The following CLASP1 variants were observed in gnomAD, a reference collection of about 807,000 sequenced individuals.
The protein encoded by CLASP1 is cytoplasmic linker associated protein 1.
A neutral mutation model predicts 192.3 loss-of-function variants in CLASP1; 38 were observed. That is an observed-to-expected ratio of 0.20 (90% confidence interval 0.15 to 0.26). The LOEUF (loss-of-function observed/expected upper bound fraction) is 0.26, where lower values mean the gene tolerates loss of function less well. Among genes scored for constraint, CLASP1 ranks in the 10% least tolerant of loss-of-function variants. The pLI is 1.00. For synonymous variants in CLASP1, 691 were observed against 712.8 expected (o/e 0.97, Z 0.49); for missense variants, 1,433 against 1,932.5 (o/e 0.74, Z 4.85).
rs574849404 is a variant in CLASP1 at position 121,636,027 on chromosome 2, C to A, written c.-286+13345G>T. On this transcript the variant is annotated intron_variant, in intron 1 of 39. Coordinates refer to ENST00000263710, the Ensembl canonical transcript of CLASP1. ...GATCAGCCTGAGCATTATTATGAGA[C>A]CTTGTTTCTAAAAAAATAATAAATT... 3.9e-5 allele frequency among the ~76,000 whole-genome samples: 6 copies of A among 152,158 alleles called. No individual in the cohort carries two copies. In the South Asian group the frequency reaches 1.2e-3, roughly 32 times the overall value.
intron 2 of CLASP1, among the ~76,000 whole-genome samples, chr2:121,546,988 A>AG (rs1162869125): frequency 6.6e-6 from 1 of 152,106 alleles, no homozygotes. Flanking sequence ...TCCCAGAGGG[A>AG]GGGGCAGGCC....
chr2:121,466,398 C>T (rs1273587138), intron 9 of CLASP1, among the ~76,000 whole-genome samples: 1 of 152,164 alleles, frequency 6.6e-6, no homozygotes, highest in Non-Finnish European at 1.5e-5. Flanking sequence ...TACCAATATT[C>T]TAGGGCCGGT....
chr2:121,476,998 C>A (rs902730435), intron 8 of CLASP1, among the ~76,000 whole-genome samples: 2 of 152,236 alleles, frequency 1.3e-5, no homozygotes, highest in Non-Finnish European at 2.9e-5. Context: ...GTCTGCCAGA[C>A]ACACCCCTAT....
chr2:121,630,356 T>A (rs908961817), intron 1 of CLASP1, among the ~76,000 whole-genome samples: 6 of 149,498 alleles, frequency 4.0e-5, no homozygotes, highest in Non-Finnish European at 8.9e-5. Flanking sequence ...TACAGAAAGT[T>A]TGGTAGATCA....
intron 1 of CLASP1, among the ~76,000 whole-genome samples, chr2:121,607,943 T>C (rs2064668201): frequency 6.6e-6 from 1 of 152,126 alleles, no homozygotes; most frequent in Admixed American, 6.6e-5. Flanking sequence ...AGCACATAAC[T>C]ACCCATCTTC....
intron 23 of CLASP1, among the ~76,000 whole-genome samples, chr2:121,411,559 T>A (rs534625676): frequency 1.3e-5 from 2 of 152,086 alleles, no homozygotes; most frequent in East Asian, 1.9e-4. Flanking sequence ...ACTAAAAAAA[T>A]CTAGCACTTT....
At chr2:121,525,147 A>G (rs2094545995) in intron 6 of CLASP1, among the ~76,000 whole-genome samples, 2 of 152,104 alleles carry the variant, frequency 1.3e-5, no homozygotes. Context: ...CATTCTTATC[A>G]GTTTGTATGA....
intron 33 of CLASP1, among the ~76,000 whole-genome samples, chr2:121,378,587 A>G (rs2070837719): frequency 6.6e-6 from 1 of 152,192 alleles, no homozygotes; most frequent in African/African-American, 2.4e-5. Context: ...TGGGATGGAT[A>G]TATCAGCATA....
chr2:121,496,539 C>T (rs2093540403), intron 8 of CLASP1, among the ~76,000 whole-genome samples: 1 of 152,026 alleles, frequency 6.6e-6, no homozygotes, highest in Non-Finnish European at 1.5e-5. Context: ...ACTAAGTGTT[C>T]GTACATGCAC....
chr2:121,367,447 T>C, intron 35 of CLASP1, 141 bp downstream of exon 36: 2 of 1,102,228 alleles, frequency 1.8e-6, no homozygotes, highest in Middle Eastern at 3.1e-4. Context: ...AGTTAAGTAG[T>C]GCCTGAACAA....
At chr2:121,364,905 T>C in intron 36 of CLASP1, 189 bp downstream of exon 37, 1 of 627,060 alleles carries the variant, frequency 1.6e-6, no homozygotes, top group South Asian at 1.9e-5. Flanking sequence ...AAGCAGCAGC[T>C]TGTTGCTGAT....
Position 121,644,789 on chromosome 2 carries a change from C to T in CLASP1, c.-286+4583G>A, listed in dbSNP as rs61664061. On this transcript the variant is annotated intron_variant, in intron 1 of 39. Transcript: ENST00000263710. Reference sequence around the variant, plus strand: ...GAGGCCCTATCTCTACAAAACACTTCTAAAACAAAATTTAGAAAATTAGCC... The same window carrying T: ...GAGGCCCTATCTCTACAAAACACTTTTAAAACAAAATTTAGAAAATTAGCC... Among the ~76,000 whole-genome samples, 419 of 152,060 alleles carry T rather than the reference C, an allele frequency of 2.8e-3. 2 individuals carry two copies. Among genetic ancestry groups the T allele is most frequent in the Middle Eastern group, 0.01 (3 of 294 alleles).
chr2:121,497,003 A>G (rs1396336076), intron 8 of CLASP1, among the ~76,000 whole-genome samples: 1 of 151,288 alleles, frequency 6.6e-6, no homozygotes, highest in Non-Finnish European at 1.5e-5. Context: ...ATTCTCACTC[A>G]TATGTGGGAG....
At chr2:121,454,050 G>A (rs1331294122) in intron 14 of CLASP1, among the ~76,000 whole-genome samples, 1 of 152,128 alleles carries the variant, frequency 6.6e-6, no homozygotes, top group Non-Finnish European at 1.5e-5. Flanking sequence ...TGGTGAGGGT[G>A]GCGGCATTTC....
exon 40 of CLASP1, chr2:121,340,277 T>C (rs1013452306): frequency 2.6e-5 from 4 of 152,456 alleles, no homozygotes; most frequent in African/African-American, 7.2e-5. Context: ...AGTCTGGATA[T>C]GACAAGCAAA....
rs563403551 is a variant in CLASP1, at chr2:121,564,335, A to C, written c.196-34010T>G. Among the ~76,000 whole-genome samples, 6 of 152,296 alleles carry C rather than the reference A, an allele frequency of 3.9e-5. No homozygotes were observed. In the East Asian group the frequency reaches 9.6e-4, roughly 24 times the overall value. ...ATTCTTTCTGAGACCCTGTCACTTAACCTCTCTGGCCCAGCACTGGACAAT... is the reference window on the plus strand; with the variant it reads ...ATTCTTTCTGAGACCCTGTCACTTACCCTCTCTGGCCCAGCACTGGACAAT... On this transcript the variant is annotated intron_variant, in intron 2 of 39. Transcript: ENST00000263710.
chr2:121,363,103 C>T lies in CLASP1; in HGVS notation c.4206+69G>A, dbSNP rs35300231. On this transcript the variant is annotated intron_variant, in intron 37 of 39. Transcript: ENST00000263710. ...AAGCTGTGCACTGATTCTGATTCCT[C>T]TATCTCCATGTCCAAACTGCTCCTC... 7.9e-3 allele frequency: 12,584 copies of T among 1,590,466 alleles called. 182 individuals carry two copies. The highest frequency in any genetic ancestry group is 0.045 in the South Asian group (3,960 of 88,228).
intron 22 of CLASP1, among the ~76,000 whole-genome samples, chr2:121,419,239 C>T (rs935876458): frequency 1.1e-4 from 17 of 152,126 alleles, no homozygotes; most frequent in African/African-American, 4.1e-4. Context: ...CTCACTGCTC[C>T]CAGGCTGGCC....
intron 18 of CLASP1, 64 bp from the exon 19 acceptor site, chr2:121,447,571 A>C: frequency 1.5e-6 from 2 of 1,320,444 alleles, no homozygotes; most frequent in Non-Finnish European, 2.1e-6. Flanking sequence ...ACATTGCTAA[A>C]ATCTGATGTT....
Sources: allele counts gnomAD v4.1 joint callset (sites outside exome capture counted in the v4.1 genomes callset), GRCh38; gene constraint gnomAD v4.1.1; transcripts MANE v1.5; gene names NCBI Gene and HGNC (gene_info 2026-07-23, HGNC 2026-07-21).